The following CACNA2D1 variants were observed in gnomAD, a reference collection of about 807,000 sequenced individuals.
CACNA2D1 encodes the protein calcium voltage-gated channel auxiliary subunit alpha2delta 1.
Under a neutral mutation model 171.5 loss-of-function variants are expected in CACNA2D1, and 53 were observed. That is an observed-to-expected ratio of 0.31 (90% CI 0.25 to 0.39). The LOEUF is 0.39. CACNA2D1 is among the 10% of genes least tolerant of loss of function. The pLI, the probability that CACNA2D1 is intolerant of heterozygous loss-of-function variation, is 1.00. For synonymous variants in CACNA2D1, 442 were observed against 443.1 expected (o/e 1.00, Z 0.03); for missense variants, 903 against 1,299.8 (o/e 0.69, Z 4.69).
chr7:82,370,573 G>GGATGGATGGATGGACA (rs1822287633), intron 1 of CACNA2D1, among the ~76,000 whole-genome samples: 1 of 25,662 alleles, frequency 3.9e-5, no homozygotes, highest in South Asian at 1.4e-3. Context: ...ATGGATGGAT[G>GGATGGATGGATGGACA]GATGGATAGA....
chr7:82,133,466 T>C (rs1791243492), intron 5 of CACNA2D1, among the ~76,000 whole-genome samples: 1 of 152,202 alleles, frequency 6.6e-6, no homozygotes. Context: ...AAATAATGTC[T>C]CTGTACCTTA....
intron 3 of CACNA2D1, among the ~76,000 whole-genome samples, chr7:82,297,909 G>A (rs1193138191): frequency 6.6e-6 from 1 of 152,072 alleles, no homozygotes; most frequent in Non-Finnish European, 1.5e-5. Context: ...GGATATATAA[G>A]AAGCAGAATT....
intron 4 of CACNA2D1, among the ~76,000 whole-genome samples, chr7:82,138,632 C>T (rs932365631): frequency 2.6e-5 from 4 of 151,840 alleles, no homozygotes; most frequent in African/African-American, 9.6e-5. Context: ...ATTTTTAGTA[C>T]AGATGGGGTT....
At chr7:82,125,941 C>T (rs1790286820) in intron 5 of CACNA2D1, among the ~76,000 whole-genome samples, 1 of 152,148 alleles carries the variant, frequency 6.6e-6, no homozygotes, top group Non-Finnish European at 1.5e-5. Flanking sequence ...CACAAACACG[C>T]TCCATTTGAT....
intron 3 of CACNA2D1, among the ~76,000 whole-genome samples, chr7:82,178,422 A>C (rs12707476): frequency 6.6e-6 from 1 of 152,142 alleles, no homozygotes; most frequent in African/African-American, 2.4e-5. Context: ...TCTACAGCGC[A>C]AAATAAAAGG....
intron 6 of CACNA2D1, among the ~76,000 whole-genome samples, chr7:82,101,758 T>A (rs973862019): frequency 6.6e-5 from 10 of 152,170 alleles, no homozygotes; most frequent in African/African-American, 2.4e-4. Flanking sequence ...CTTTCCGTTT[T>A]TTACCGCAAT....
intron 1 of CACNA2D1, among the ~76,000 whole-genome samples, chr7:82,400,041 G>A (rs1826190375): frequency 6.6e-6 from 1 of 151,558 alleles, no homozygotes; most frequent in Admixed American, 6.6e-5. Context: ...TGAGGGCTCT[G>A]TTCTGTTCCA....
At chr7:82,049,455 T>C (rs1804952026) in intron 10 of CACNA2D1, among the ~76,000 whole-genome samples, 1 of 152,174 alleles carries the variant, frequency 6.6e-6, no homozygotes, top group Non-Finnish European at 1.5e-5. Context: ...GCTCTTAAAA[T>C]CTGAGTCAGT....
At chr7:82,179,247 C>A (rs1484937132) in intron 3 of CACNA2D1, among the ~76,000 whole-genome samples, 2 of 151,892 alleles carry the variant, frequency 1.3e-5, no homozygotes, top group Non-Finnish European at 2.9e-5. Context: ...ATTCAGTTAC[C>A]TTATTCTCTA....
chr7:82,145,669 T>C (rs1792943455), intron 4 of CACNA2D1, among the ~76,000 whole-genome samples: 2 of 146,364 alleles, frequency 1.4e-5, no homozygotes, highest in Admixed American at 6.9e-5. Flanking sequence ...TATATGCACA[T>C]ACATACATAC....
At chr7:82,203,643 G>A (rs781087134) in intron 3 of CACNA2D1, among the ~76,000 whole-genome samples, 3 of 152,296 alleles carry the variant, frequency 2.0e-5, no homozygotes, top group Non-Finnish European at 2.9e-5. Flanking sequence ...TGAGCTGCAC[G>A]TGCATGTGAC....
chr7:81,953,987 T>G (rs557853333), intron 38 of CACNA2D1, among the ~76,000 whole-genome samples: 1 of 152,264 alleles, frequency 6.6e-6, no homozygotes, highest in East Asian at 1.9e-4. Context: ...CCCTGTGGTG[T>G]GCATGTCAGT....
At chr7:81,963,734 AG>A (rs774526984) in intron 34 of CACNA2D1, among the ~76,000 whole-genome samples, 12 of 152,028 alleles carry the variant, frequency 7.9e-5, no homozygotes, top group Non-Finnish European at 1.6e-4. Flanking sequence ...TACACCTAAA[AG>A]AAATTAGTGT....
At chr7:82,035,026 C>G (rs1192802192) in intron 11 of CACNA2D1, among the ~76,000 whole-genome samples, 4 of 152,032 alleles carry the variant, frequency 2.6e-5, no homozygotes, top group Non-Finnish European at 5.9e-5. Context: ...AAGAATCACA[C>G]AGCGACAACA....
intron 26 of CACNA2D1, among the ~76,000 whole-genome samples, chr7:81,971,553 C>T (rs1795275065): frequency 6.6e-6 from 1 of 151,382 alleles, no homozygotes; most frequent in Admixed American, 6.6e-5. Context: ...GTGTATTCAC[C>T]CTGAAGTGTA....
At chr7:82,146,246 A>T (rs966109742) in intron 4 of CACNA2D1, among the ~76,000 whole-genome samples, 34 of 151,580 alleles carry the variant, frequency 2.2e-4, no homozygotes, top group Non-Finnish European at 4.9e-4. Flanking sequence ...ATACCTCCCT[A>T]GAAGAAAGAA....
chr7:82,010,633 T>C (rs541004842), intron 15 of CACNA2D1, among the ~76,000 whole-genome samples: 7 of 152,274 alleles, frequency 4.6e-5, no homozygotes, highest in East Asian at 3.9e-4. Context: ...TAAGTAAATA[T>C]GTGATGTCTA....
At chr7:82,100,363 A>T (rs1036466023) in intron 6 of CACNA2D1, among the ~76,000 whole-genome samples, 2 of 152,144 alleles carry the variant, frequency 1.3e-5, no homozygotes, top group African/African-American at 4.8e-5. Context: ...CAAAAATCAA[A>T]TTTTTTATCT....
At chr7:82,277,253 A>G (rs1210032707) in intron 3 of CACNA2D1, among the ~76,000 whole-genome samples, 2 of 152,044 alleles carry the variant, frequency 1.3e-5, no homozygotes, top group African/African-American at 2.4e-5. Context: ...CCCAGGCTGT[A>G]GTGCAGTGGC....
Sources: gnomAD v4.1 joint callset for allele counts (sites outside exome capture counted in the v4.1 genomes callset) on GRCh38, gnomAD v4.1.1 for gene constraint, MANE v1.5 for transcripts, NCBI Gene and HGNC (gene_info 2026-07-23, HGNC 2026-07-21) for gene names.